REEP1: variants seen among roughly 807,000 people sequenced by gnomAD.
REEP1 encodes receptor expression-enhancing protein 1.
Under a neutral mutation model 40.3 loss-of-function variants are expected in REEP1, and 22 were observed. That is an observed-to-expected ratio of 0.55 (90% confidence interval 0.39 to 0.78). REEP1 has a LOEUF of 0.78. REEP1 is among the 30% of genes least tolerant of loss of function. The pLI is 0.00. For synonymous variants in REEP1, 116 were observed against 139.2 expected (o/e 0.83, Z 1.17); for missense variants, 280 against 361.1 (o/e 0.78, Z 1.82).
rs1674114479 is a variant in REEP1, at chr2:86,216,399, A to C, written c.*640T>G. Reference sequence around the variant, plus strand: ...GTCTTTTGACTAAACAACTATCTAAAGAATATAGACCACACTCCTGCAGGG... The same window carrying C: ...GTCTTTTGACTAAACAACTATCTAACGAATATAGACCACACTCCTGCAGGG... On this transcript the variant is annotated 3_prime_UTR_variant, in exon 9 of 9. Transcript: ENST00000538924. The C allele has an allele frequency of 6.6e-6, 1 of 152,310 alleles. No individual in the cohort carries two copies. The highest frequency in any genetic ancestry group is 1.5e-5 in the Non-Finnish European group (1 of 68,100). The allele number at this position is 152,310 out of a possible 1,614,324, so 9.4% of individuals were successfully genotyped here. A position where few individuals can be genotyped will look rare whatever the true frequency, so the allele number is the denominator to read the frequency against.
chr2:86,246,291 C>A (rs1574027647), intron 5 of REEP1, among the ~76,000 whole-genome samples: 1 of 152,294 alleles, frequency 6.6e-6, no homozygotes, highest in African/African-American at 2.4e-5. Flanking sequence ...CCCCTCATCT[C>A]AAGAAGCTTA....
intron 1 of REEP1, among the ~76,000 whole-genome samples, chr2:86,333,282 T>C (rs1350179041): frequency 6.6e-6 from 1 of 152,190 alleles, no homozygotes; most frequent in Non-Finnish European, 1.5e-5. Flanking sequence ...ACAATCCACA[T>C]TCCTCCCAGC....
At chr2:86,250,343 G>A (rs1026060912) in intron 5 of REEP1, among the ~76,000 whole-genome samples, 26 of 152,196 alleles carry the variant, frequency 1.7e-4, no homozygotes, top group African/African-American at 6.3e-4. Context: ...AGAACAGATG[G>A]GGTAGAGAGA....
intron 1 of REEP1, among the ~76,000 whole-genome samples, chr2:86,285,961 G>A (rs1208715688): frequency 6.6e-6 from 1 of 152,172 alleles, no homozygotes; most frequent in African/African-American, 2.4e-5. Context: ...ACCAGGCTCT[G>A]CACTAACACA....
intron 2 of REEP1, among the ~76,000 whole-genome samples, chr2:86,280,782 G>A (rs1167950914): frequency 6.6e-6 from 1 of 152,174 alleles, no homozygotes; most frequent in Non-Finnish European, 1.5e-5. Context: ...GTGGGAGATT[G>A]CGGGGTGGGG....
chr2:86,232,937 A>C, intron 5 of REEP1, 135 bp from the exon 6 acceptor site: 1 of 857,516 alleles, frequency 1.2e-6, no homozygotes, highest in Non-Finnish European at 1.9e-6. Context: ...GCAGGTGCCC[A>C]GACATAGCTG....
At position 86,337,559 on chromosome 2, in the gene REEP1, T is replaced by TGCGGGCGGC. The variant is rs1181390785; in HGVS notation, c.-58_-50dup. ...CCCGGGCGGCGCGGCTCGGCTAGGC[T>TGCGGGCGGC]GCGGGCGGCGCGGGCTGCTGCGGCG... is the stretch of plus-strand genomic sequence containing the variant. On this transcript the variant is annotated 5_prime_UTR_variant, in exon 1 of 9. Transcript: ENST00000538924. The surrounding 1 kb of genome is among the most constrained non-coding windows in gnomAD (Gnocchi z 5.8). The TGCGGGCGGC allele has an allele frequency of 1.7e-6, 2 of 1,211,462 alleles. No homozygotes were observed. Among genetic ancestry groups the TGCGGGCGGC allele is most frequent in the African/African-American group, 1.6e-5 (1 of 62,294 alleles). 75.0% of individuals were successfully genotyped at this position (1,211,462 alleles called of 1,614,324 possible). A position where few individuals can be genotyped will look rare whatever the true frequency, so the allele number is the denominator to read the frequency against.
At chr2:86,283,701 A>G (rs1678227303) in intron 1 of REEP1, among the ~76,000 whole-genome samples, 1 of 152,202 alleles carries the variant, frequency 6.6e-6, no homozygotes, top group Non-Finnish European at 1.5e-5. Context: ...CTTGACTCAC[A>G]CATACCTTGT....
chr2:86,308,472 T>C (rs1022631969), intron 1 of REEP1, among the ~76,000 whole-genome samples: 6 of 152,206 alleles, frequency 3.9e-5, no homozygotes, highest in African/African-American at 1.4e-4. Context: ...GGACGATCGC[T>C]TGAGCATGGC....
chr2:86,325,514 A>G (rs371933209), intron 1 of REEP1, among the ~76,000 whole-genome samples: 3 of 152,196 alleles, frequency 2.0e-5, no homozygotes, highest in African/African-American at 7.2e-5. Flanking sequence ...ATTATCCTGG[A>G]TTATTCAAGT....
chr2:86,244,747 A>G lies in REEP1; in HGVS notation c.417+7210T>C, dbSNP rs527326370. Reference sequence around the variant, plus strand: ...AAGGGGTGAAAAACAGGCAAAGGAGAACCCTGGAGGGTTAACAAAGGGCTT... The same window carrying G: ...AAGGGGTGAAAAACAGGCAAAGGAGGACCCTGGAGGGTTAACAAAGGGCTT... On this transcript the variant is annotated intron_variant, in intron 5 of 8. Transcript: ENST00000538924. Among the ~76,000 whole-genome samples the G allele has an allele frequency of 4.6e-5, 7 of 152,342 alleles. No homozygotes were observed. The South Asian group carries it at 1.4e-3, about 32-fold the overall frequency.
intron 5 of REEP1, among the ~76,000 whole-genome samples, chr2:86,242,948 T>C (rs1338838635): frequency 1.3e-5 from 2 of 152,050 alleles, no homozygotes; most frequent in Non-Finnish European, 2.9e-5. Context: ...AAGATGGTAA[T>C]TTCATTATCA....
intron 1 of REEP1, among the ~76,000 whole-genome samples, chr2:86,293,918 GAATA>G (rs2104436045): frequency 1.3e-5 from 2 of 152,302 alleles, no homozygotes; most frequent in South Asian, 4.1e-4. Flanking sequence ...ATCAACAGAT[GAATA>G]AATAATGAAT....
intron 2 of REEP1, among the ~76,000 whole-genome samples, chr2:86,264,837 G>C (rs7583883): frequency 2.0e-5 from 3 of 152,208 alleles, no homozygotes; most frequent in African/African-American, 7.2e-5. Flanking sequence ...ACTGGAAGGG[G>C]TTCAAGCTTT....
intron 7 of REEP1, among the ~76,000 whole-genome samples, chr2:86,221,552 G>C (rs1431722543): frequency 6.6e-6 from 1 of 151,998 alleles, no homozygotes; most frequent in Non-Finnish European, 1.5e-5. Flanking sequence ...GACCCTCCCT[G>C]GCCTCCCCAC....
intron 3 of REEP1, among the ~76,000 whole-genome samples, chr2:86,255,610 G>A (rs1183140033): frequency 6.6e-6 from 1 of 152,138 alleles, no homozygotes; most frequent in Non-Finnish European, 1.5e-5. Flanking sequence ...GAGCAAAGAA[G>A]ACCTGATTCC....
In REEP1 at chr2:86,217,137, C is replaced by T. The variant is rs769578562; in HGVS notation, c.784-27G>A. 4 of 1,596,314 alleles carry T rather than the reference C, an allele frequency of 2.5e-6. No homozygotes were observed. The Admixed American group carries it at 6.7e-5, about 27-fold the overall frequency. On this transcript the variant is annotated intron_variant, in intron 8 of 8. Transcript: ENST00000538924. ...TGGTAGAGAAAACAGAAAGGTGTCC[C>T]TCAGTTTGGTGTAAATGTGGGATCT... is the stretch of plus-strand genomic sequence containing the variant.
intron 6 of REEP1, among the ~76,000 whole-genome samples, chr2:86,228,416 C>T (rs1674834278): frequency 6.6e-6 from 1 of 151,400 alleles, no homozygotes; most frequent in African/African-American, 2.4e-5. Context: ...CTTCTTGGCT[C>T]ACAGCAAATG....
At position 86,214,405 on chromosome 2, in the gene REEP1, ACT is replaced by A. The variant is rs1484628867; in HGVS notation, c.*2632_*2633del. ...CAAAGCCAGGAGGGATTATGACTAA[ACT>A]CTCCAGTTTATAAGCACAAGTCCAC... On this transcript the variant is annotated 3_prime_UTR_variant, in exon 9 of 9. Transcript: ENST00000538924. 1 of 152,546 alleles carries A rather than the reference ACT, an allele frequency of 6.6e-6. No homozygotes were observed. Among genetic ancestry groups the A allele is most frequent in the African/African-American group, 2.4e-5 (1 of 41,406 alleles). The allele number at this position is 152,546 out of a possible 1,614,324, so 9.4% of individuals were successfully genotyped here.
Sources: gnomAD v4.1 joint callset for allele counts (sites outside exome capture counted in the v4.1 genomes callset) on GRCh38, gnomAD v4.1.1 for gene constraint, Gnocchi (gnomAD v3.1) non-coding constraint, MANE v1.5 for transcripts, NCBI Gene and HGNC (gene_info 2026-07-23, HGNC 2026-07-21) for gene names.